Variants in ABCA7 observed in about 807,000 individuals in gnomAD.
ABCA7 encodes ATP binding cassette subfamily A member 7.
Under a neutral mutation model 227.6 loss-of-function variants are expected in ABCA7, and 261 were observed. The ratio of observed to expected loss-of-function variants is 1.15; its 90% CI spans 1.04 to 1.27. The LOEUF (loss-of-function observed/expected upper bound fraction) is 1.27, where lower values mean the gene tolerates loss of function less well. Among genes scored for constraint, ABCA7 ranks in the 50% most tolerant of loss-of-function variants. ABCA7 has a pLI of 0.00. For missense variants in ABCA7, 3,331 were observed against 2,924.5 expected (o/e 1.14, Z -3.21); for synonymous variants, 1,488 against 1,279.7 (o/e 1.16, Z -3.47).
At chr19:1,064,283 G>T in intron 45 of ABCA7, 30 bp downstream of exon 45, 1 of 1,534,300 alleles carries the variant, frequency 6.5e-7, no homozygotes, top group Non-Finnish European at 8.8e-7. Context: ...AGGCAGGTGT[G>T]GGGTGAGGGT....
chr19:1,065,265 G>T lies in ABCA7; in HGVS notation c.6286-5G>T, dbSNP rs777243085. ...TCTTGTCCCCTCTGGGCTGCCCACCGCTAGGTATTCTTGTACTTCTCCAAG... is the reference window on the plus strand; with the variant it reads ...TCTTGTCCCCTCTGGGCTGCCCACCTCTAGGTATTCTTGTACTTCTCCAAG... On this transcript the variant is annotated splice_polypyrimidine_tract_variant and splice_region_variant and intron_variant, in intron 46 of 46. Transcript: ENST00000263094. 1 of 1,613,026 alleles carries T rather than the reference G, an allele frequency of 6.2e-7. No individual in the cohort carries two copies. Among genetic ancestry groups the T allele is most frequent in the South Asian group, 1.1e-5 (1 of 91,082 alleles).
In ABCA7 at chr19:1,042,167, C is replaced by T. The variant is rs1157579647; in HGVS notation, c.406C>T (p.Arg136Cys). ...GCTGATCGCCACGCTGAGGGCTGCA[C>T]GCAGCACGGGTGAGGAGGCCGGGGG... is the stretch of plus-strand genomic sequence containing the variant. ...GKLIATLRAA[R>C]STAQPQPTKQ... The change falls in exon 5 of 47, where the codon CGC becomes TGC. Residue 136 changes from arginine to cysteine, a missense_variant. By Grantham distance (180) the Arg-to-Cys change is radical. Transcript: ENST00000263094. 1.9e-6 allele frequency: 3 copies of T among 1,600,730 alleles called. No homozygotes were observed. The highest frequency in any genetic ancestry group is 2.2e-5 in the East Asian group (1 of 44,776).
Position 1,056,041 on chromosome 19 carries a change from CT to C in ABCA7, c.4239-23del. The C allele has an allele frequency of 1.3e-6, 2 of 1,565,868 alleles. No homozygotes were observed. The highest frequency in any genetic ancestry group is 3.6e-5 in the Admixed American group (2 of 55,114). On this transcript the variant is annotated intron_variant, in intron 31 of 46. Coordinates refer to ENST00000263094, the MANE Select transcript of ABCA7 (RefSeq NM_019112.4). The surrounding 1 kb of genome is among the most constrained non-coding windows in gnomAD (Gnocchi z 4.3). ...CCGGCCCCCCCGGCCCTCAGCTCCC[CT>C]TCCCTGCCTGCATGGCCCCACAGAT... is the stretch of plus-strand genomic sequence containing the variant.
chr19:1,043,558 C>A (rs933091199), intron 9 of ABCA7, 85 bp downstream of exon 9: 2 of 1,598,486 alleles, frequency 1.3e-6, no homozygotes, highest in Non-Finnish European at 1.7e-6. Context: ...AGGGCCAGGC[C>A]GGAGGGTCAC....
At position 1,041,349 on chromosome 19, in the gene ABCA7, G is replaced by A. The variant is rs752640274; in HGVS notation, c.-13G>A. On this transcript the variant is annotated 5_prime_UTR_variant, in exon 2 of 47. Coordinates refer to ENST00000263094, the MANE Select transcript of ABCA7 (RefSeq NM_019112.4). The stretch of plus-strand genomic sequence containing the variant: ...TCCTGACCTCTCTGTCCCGTCCCCT[G>A]CCCAGTCTCACCATGGCCTTCTGGA... The A allele has an allele frequency of 6.2e-7, 1 of 1,613,870 alleles. No homozygotes were observed. The highest frequency in any genetic ancestry group is 2.2e-5 in the East Asian group (1 of 44,888).
At chr19:1,045,378 G>A (rs1205862429) in intron 12 of ABCA7, 147 bp downstream of exon 12, 3 of 860,658 alleles carry the variant, frequency 3.5e-6, no homozygotes, top group Non-Finnish European at 5.3e-6. Context: ...AGAGCCCGGG[G>A]CTCCTTAGAC....
rs754183203 is a variant in ABCA7, at chr19:1,041,870, T to C, written c.200T>C (p.Val67Ala). 1.5e-5 allele frequency: 24 copies of C among 1,597,556 alleles called. No individual in the cohort carries two copies. The South Asian group carries it at 2.7e-4, about 18-fold the overall frequency. The stretch of plus-strand genomic sequence containing the variant: ...AAGCCACTGCCATCGGCGGGCACCG[T>C]GCCCTGGCTCCAGGGTCTCATCTGT... ...PNKPLPSAGT[V>A]PWLQGLICNV... Residue 67 changes from valine (V) to alanine (A), a missense_variant, in exon 4 of 47, where the codon GTG becomes GCG. Physicochemically the swap from Val to Ala is moderately conservative, Grantham distance 64. Transcript: ENST00000263094.
chr19:1,044,955 G>A, intron 11 of ABCA7, 47 bp from the exon 12 acceptor site: 2 of 1,598,760 alleles, frequency 1.3e-6, no homozygotes, highest in African/African-American at 1.3e-5. Flanking sequence ...AGTGGTCTAG[G>A]AGGCAGGCGG....
intron 21 of ABCA7, 62 bp downstream of exon 21, chr19:1,051,648 A>T: frequency 6.6e-7 from 1 of 1,525,008 alleles, no homozygotes; most frequent in Admixed American, 1.9e-5. Context: ...AGTGCTGGGG[A>T]TGGGGTTTTG....
intron 31 of ABCA7, 53 bp downstream of exon 31, chr19:1,055,992 T>A (rs913044495): frequency 6.4e-7 from 1 of 1,560,964 alleles, no homozygotes; most frequent in African/African-American, 1.4e-5. Context: ...TCCCATGCCC[T>A]CTGCCTGCCC....
intron 7 of ABCA7, 53 bp from the exon 8 acceptor site, chr19:1,042,986 GGT>G: frequency 6.4e-7 from 1 of 1,552,678 alleles, no homozygotes; most frequent in Non-Finnish European, 8.7e-7. Flanking sequence ...GCCCTGCCCT[GGT>G]TAGGGCTTGG....
intron 37 of ABCA7, 127 bp from the exon 38 acceptor site, chr19:1,058,491 T>G: frequency 6.8e-7 from 1 of 1,477,622 alleles, no homozygotes; most frequent in South Asian, 1.3e-5. Context: ...CTATGCCAAT[T>G]AGACTCCAGC....
chr19:1,055,432 G>T (rs904247663), intron 30 of ABCA7, 81 bp downstream of exon 30: 5 of 1,445,376 alleles, frequency 3.5e-6, no homozygotes, highest in Non-Finnish European at 3.6e-6. Flanking sequence ...TCCTGGAGGA[G>T]GAAGTGGAGG....
In ABCA7 at chr19:1,051,063, G is replaced by T; in HGVS notation, c.2684+11G>T. On this transcript the variant is annotated intron_variant, in intron 19 of 46. Coordinates refer to ENST00000263094, the MANE Select transcript of ABCA7 (RefSeq NM_019112.4). ...CGTGCTGTTTGACATGTGCGTCTCG[G>T]CAGGCCCAGAGTGCAGCGGTGGGAA... 6.2e-7 allele frequency: 1 copy of T among 1,610,502 alleles called. No individual in the cohort carries two copies. Among genetic ancestry groups the T allele is most frequent in the Middle Eastern group, 1.7e-4 (1 of 6,060 alleles).
At chr19:1,046,097 G>T in intron 12 of ABCA7, 133 bp from the exon 13 acceptor site, 1 of 1,043,990 alleles carries the variant, frequency 9.6e-7, no homozygotes, top group Non-Finnish European at 1.4e-6. Flanking sequence ...AGGCTGCAGT[G>T]AGCTATGATT....
At chr19:1,048,496 C>CAAAAAAAAA (rs1234415864) in intron 16 of ABCA7, among the ~76,000 whole-genome samples, 8 of 21,626 alleles carry the variant, frequency 3.7e-4, no homozygotes, top group African/African-American at 1.5e-3. Flanking sequence ...AACTCAGTCT[C>CAAAAAAAAA]AAAAAAAAAA....
intron 17 of ABCA7, 41 bp from the exon 18 acceptor site, chr19:1,049,224 AC>A (rs1213214472): frequency 6.4e-7 from 1 of 1,551,584 alleles, no homozygotes; most frequent in East Asian, 2.3e-5. Context: ...AGGCCCCAGG[AC>A]CCCCATGACC....
intron 16 of ABCA7, among the ~76,000 whole-genome samples, chr19:1,048,390 G>A (rs534721868): frequency 6.7e-6 from 1 of 148,870 alleles, no homozygotes; most frequent in Non-Finnish European, 1.5e-5. Context: ...TAGCTACTTG[G>A]AAGGCAGAGG....
chr19:1,062,085 A>G (rs1320578200), intron 41 of ABCA7, 87 bp from the exon 42 acceptor site: 6 of 1,556,286 alleles, frequency 3.9e-6, no homozygotes, highest in Admixed American at 3.6e-5. Flanking sequence ...GTGGCCCTGG[A>G]TGGGTGGGCC....
Sources: gnomAD v4.1 joint callset for allele counts (sites outside exome capture counted in the v4.1 genomes callset) on GRCh38, gnomAD v4.1.1 for gene constraint, Gnocchi (gnomAD v3.1) non-coding constraint, MANE v1.5 for transcripts, NCBI Gene and HGNC (gene_info 2026-07-23, HGNC 2026-07-21) for gene names.